The following LGSN variants were observed in gnomAD, a reference collection of about 807,000 sequenced individuals.
LGSN encodes lengsin, lens protein with glutamine synthetase domain, also known as lengsin.
LGSN carries 21 observed loss-of-function variants against 19.5 expected under a neutral mutation model. The ratio of observed to expected loss-of-function variants is 1.07; its 90% CI spans 0.76 to 1.55. The LOEUF is 1.55. Ranked by LOEUF, LGSN falls within the 40% of genes most tolerant of loss-of-function variation. The probability of loss-of-function intolerance (pLI) is 0.00; values close to 1 mark genes in which losing one functional copy is unlikely to be tolerated. For synonymous variants in LGSN, 257 were observed against 215.6 expected (o/e 1.19, Z -1.68); for missense variants, 673 against 608.5 (o/e 1.11, Z -1.12).
the LGSN span, among the ~76,000 whole-genome samples, chr6:63,544,790 T>C: frequency 6.6e-6 from 1 of 152,210 alleles, no homozygotes; most frequent in Admixed American, 6.5e-5. Context: ...CCTCTCCACG[T>C]ATCCTATCAG....
At chr6:63,375,406 T>C in the LGSN span, among the ~76,000 whole-genome samples, 1,144 of 151,014 alleles carry the variant, frequency 7.6e-3, 6 homozygotes, top group Non-Finnish European at 0.011. Flanking sequence ...TATATATTTA[T>C]ATTTATATTA....
chr6:63,461,619 T>C, the LGSN span, among the ~76,000 whole-genome samples: 3 of 152,222 alleles, frequency 2.0e-5, no homozygotes, highest in Non-Finnish European at 4.4e-5. Flanking sequence ...AGAAGAGATA[T>C]GCTGCAGTTT....
chr6:63,518,241 A>G, the LGSN span, among the ~76,000 whole-genome samples: 357 of 151,130 alleles, frequency 2.4e-3, no homozygotes, highest in African/African-American at 8.3e-3. Flanking sequence ...CCATAACTTT[A>G]TTGCTGCCAG....
At chr6:63,296,665 A>G (rs1489094717) in intron 1 of LGSN, among the ~76,000 whole-genome samples, 2 of 152,080 alleles carry the variant, frequency 1.3e-5, no homozygotes, top group Non-Finnish European at 2.9e-5. Context: ...GGTGACATAA[A>G]CTTTAACATC....
At chr6:63,342,298 C>T in the LGSN span, among the ~76,000 whole-genome samples, 5 of 152,146 alleles carry the variant, frequency 3.3e-5, no homozygotes, top group Non-Finnish European at 5.9e-5. Context: ...CCAATTTATA[C>T]ATATTATTTA....
chr6:63,364,267 A>C, the LGSN span, among the ~76,000 whole-genome samples: 11 of 152,294 alleles, frequency 7.2e-5, no homozygotes, highest in South Asian at 4.1e-4. Context: ...AACAAACAAA[A>C]AAAAAACGGG....
At chr6:63,407,481 G>A in the LGSN span, among the ~76,000 whole-genome samples, 126 of 152,128 alleles carry the variant, frequency 8.3e-4, 1 homozygote, top group South Asian at 7.1e-3. Flanking sequence ...ATTCAACAGC[G>A]CTTCATGCTA....
the LGSN span, among the ~76,000 whole-genome samples, chr6:63,327,020 C>A: frequency 7.9e-5 from 12 of 152,310 alleles, no homozygotes; most frequent in East Asian, 2.3e-3. Context: ...ACCTCTCAAT[C>A]CCCCCTCTAA....
chr6:63,295,323 A>G (rs1040291972), intron 1 of LGSN, among the ~76,000 whole-genome samples: 3 of 152,122 alleles, frequency 2.0e-5, no homozygotes, highest in African/African-American at 7.2e-5. Flanking sequence ...CAAGATTTCT[A>G]TGTTTATTTT....
the LGSN span, among the ~76,000 whole-genome samples, chr6:63,467,077 C>T: frequency 2.6e-5 from 4 of 152,012 alleles, no homozygotes; most frequent in Non-Finnish European, 4.4e-5. Flanking sequence ...AGCCCTGCAG[C>T]ACTCCACCAT....
chr6:63,460,050 C>T, the LGSN span, among the ~76,000 whole-genome samples: 1 of 146,938 alleles, frequency 6.8e-6, no homozygotes, highest in South Asian at 2.2e-4. Context: ...GCCTTTTCCA[C>T]ATCAAAATCC....
chr6:63,377,824 G>C, the LGSN span, among the ~76,000 whole-genome samples: 3 of 147,242 alleles, frequency 2.0e-5, no homozygotes, highest in Non-Finnish European at 4.5e-5. Context: ...TGAGGCAGGA[G>C]AATCGCTTGA....
the LGSN span, among the ~76,000 whole-genome samples, chr6:63,432,997 T>C: frequency 3.3e-5 from 5 of 152,156 alleles, no homozygotes; most frequent in African/African-American, 1.2e-4. Context: ...ACTTCTTTAT[T>C]GTAAGGAGCA....
chr6:63,396,394 C>G, the LGSN span: 1 of 219,336 alleles, frequency 4.6e-6, no homozygotes, highest in Non-Finnish European at 9.5e-6. Context: ...CTCAACAAAT[C>G]CAGTTATTCT....
the LGSN span, among the ~76,000 whole-genome samples, chr6:63,403,576 C>T: frequency 6.6e-6 from 1 of 151,862 alleles, no homozygotes; most frequent in East Asian, 1.9e-4. Context: ...TGGGAAAAAT[C>T]AGTGACACCA....
the LGSN span, among the ~76,000 whole-genome samples, chr6:63,552,925 CT>C: frequency 6.6e-6 from 1 of 152,180 alleles, no homozygotes; most frequent in East Asian, 1.9e-4. Context: ...GTACTGTAGC[CT>C]TGTAGTATAG....
the LGSN span, among the ~76,000 whole-genome samples, chr6:63,473,754 A>G: frequency 4.1e-5 from 6 of 147,806 alleles, no homozygotes; most frequent in African/African-American, 1.5e-4. Context: ...CCGCATCTGT[A>G]TATTCCACAT....
upstream of LGSN, among the ~76,000 whole-genome samples, chr6:63,320,942 A>G (rs1291307625): frequency 5.3e-5 from 8 of 152,090 alleles, no homozygotes; most frequent in Admixed American, 3.9e-4. Flanking sequence ...TTTCCATTCC[A>G]TTGGTACTTG....
At chr6:63,458,402 C>T in the LGSN span, among the ~76,000 whole-genome samples, 1 of 152,112 alleles carries the variant, frequency 6.6e-6, no homozygotes, top group East Asian at 1.9e-4. Flanking sequence ...TATATATTAG[C>T]GTTGGAAACA....
Sources: allele counts gnomAD v4.1 joint callset (sites outside exome capture counted in the v4.1 genomes callset), GRCh38; gene constraint gnomAD v4.1.1; transcripts MANE v1.5; gene names NCBI Gene and HGNC (gene_info 2026-07-23, HGNC 2026-07-21).